Variants in PCDH7 observed in about 807,000 individuals in gnomAD.
PCDH7 encodes protocadherin 7, also known as protocadherin-7.
In PCDH7, 17 loss-of-function variants were observed where a neutral mutation model predicts 58.9. The observed-to-expected ratio is 0.29, with a 90% CI of 0.20 to 0.43. The LOEUF is 0.43. PCDH7 is among the 20% of genes least tolerant of loss of function. PCDH7 has a pLI of 1.00. For synonymous variants in PCDH7, 664 were observed against 616.4 expected (o/e 1.08, Z -1.14); for missense variants, 1,274 against 1,441.0 (o/e 0.88, Z 1.88).
chr4:30,836,604 T>G (rs1730517732), intron 1 of PCDH7, among the ~76,000 whole-genome samples: 4 of 152,168 alleles, frequency 2.6e-5, no homozygotes, highest in Admixed American at 2.6e-4. Flanking sequence ...TTATGAAAAT[T>G]TAAATTTCTC....
intron 3 of PCDH7, among the ~76,000 whole-genome samples, chr4:30,958,462 G>T (rs73815115): frequency 0.015 from 2,332 of 151,866 alleles, 52 homozygotes; most frequent in African/African-American, 0.052. Context: ...ATATTTAAAT[G>T]ATAATTAATA....
At chr4:30,987,688 A>G (rs1267462500) in intron 3 of PCDH7, 2 of 152,232 alleles carry the variant, frequency 1.3e-5, no homozygotes, top group Middle Eastern at 3.4e-3. Context: ...AGGGGCCTAT[A>G]TAGAATTAAA....
chr4:31,005,543 G>T (rs1002629805), intron 3 of PCDH7, among the ~76,000 whole-genome samples: 1 of 152,206 alleles, frequency 6.6e-6, no homozygotes, highest in African/African-American at 2.4e-5. Flanking sequence ...ATTTGCCAAT[G>T]TGTTCCCTCT....
intron 3 of PCDH7, among the ~76,000 whole-genome samples, chr4:31,017,885 C>T (rs1753741495): frequency 6.6e-6 from 1 of 152,184 alleles, no homozygotes; most frequent in Non-Finnish European, 1.5e-5. Flanking sequence ...TAATACAGGA[C>T]TTCTTTTTTT....
intron 3 of PCDH7, among the ~76,000 whole-genome samples, chr4:31,138,060 C>T (rs1344856082): frequency 6.6e-6 from 1 of 152,052 alleles, no homozygotes; most frequent in Non-Finnish European, 1.5e-5. Flanking sequence ...ATAATTTTGT[C>T]TCTAATGGGT....
chr4:30,963,249 T>C (rs1215671727), intron 3 of PCDH7, among the ~76,000 whole-genome samples: 1 of 152,190 alleles, frequency 6.6e-6, no homozygotes, highest in Non-Finnish European at 1.5e-5. Context: ...TGACTAAGCA[T>C]ATGTTTTGAG....
intron 1 of PCDH7, among the ~76,000 whole-genome samples, chr4:30,830,619 G>T (rs1729654767): frequency 6.6e-6 from 1 of 151,768 alleles, no homozygotes; most frequent in African/African-American, 2.4e-5. Context: ...TTCCTGCTCT[G>T]CAGTGCTAAC....
In PCDH7 at chr4:31,127,946, CAAAAT is replaced by C. The variant is rs1718494045; in HGVS notation, c.*8-14524_*8-14520del. ...GCTTTCAAGCTTTTTCAGTGTGACT[CAAAAT>C]AAGAAATTCATTTTTCACAGTGATC... is the stretch of plus-strand genomic sequence containing the variant. On this transcript the variant is annotated intron_variant, in intron 3 of 3. Coordinates refer to the PCDH7 transcript ENST00000509759. Among the ~76,000 whole-genome samples, 7 of 151,550 alleles carry C rather than the reference CAAAAT, an allele frequency of 4.6e-5. No homozygotes were observed. The South Asian group carries it at 1.0e-3, about 23-fold the overall frequency.
chr4:30,803,487 G>A (rs1725796327), intron 1 of PCDH7, among the ~76,000 whole-genome samples: 1 of 151,968 alleles, frequency 6.6e-6, no homozygotes, highest in Non-Finnish European at 1.5e-5. Flanking sequence ...ACCTAAGCAG[G>A]GGTGCAGTGG....
At chr4:30,850,033 C>T (rs1732514725) in intron 1 of PCDH7, among the ~76,000 whole-genome samples, 1 of 152,080 alleles carries the variant, frequency 6.6e-6, no homozygotes, top group Non-Finnish European at 1.5e-5. Context: ...CTAACCTTTT[C>T]TTCTAGATCC....
intron 2 of PCDH7, among the ~76,000 whole-genome samples, chr4:30,945,932 T>C (rs1260953322): frequency 6.6e-6 from 1 of 152,098 alleles, no homozygotes; most frequent in Non-Finnish European, 1.5e-5. Context: ...TTATGGACAT[T>C]ATGATTATTA....
intron 1 of PCDH7, among the ~76,000 whole-genome samples, chr4:30,742,168 G>T (rs1388951966): frequency 1.3e-5 from 2 of 152,004 alleles, no homozygotes; most frequent in Admixed American, 1.3e-4. Context: ...TATTAATTTT[G>T]ATTTTTGATT....
At chr4:31,098,970 C>G (rs55839745) in intron 3 of PCDH7, among the ~76,000 whole-genome samples, 2,167 of 152,222 alleles carry the variant, frequency 0.014, 31 homozygotes, top group Non-Finnish European at 0.023. Context: ...GCACACTCCT[C>G]TCTCATAAAG....
intron 1 of PCDH7, among the ~76,000 whole-genome samples, chr4:30,771,235 C>G (rs1180989987): frequency 6.6e-6 from 1 of 152,114 alleles, no homozygotes; most frequent in Non-Finnish European, 1.5e-5. Flanking sequence ...ATAAAAATGA[C>G]CATATTTGAA....
At chr4:31,142,566 G>T (rs748541600) in exon 4 of PCDH7, 1 of 1,367,558 alleles carries the variant, frequency 7.3e-7, no homozygotes, top group Non-Finnish European at 9.8e-7. Context: ...ATGCCGGTCC[G>T]CACTTCTCCG....
At chr4:30,984,310 A>G (rs1434974122) in intron 3 of PCDH7, among the ~76,000 whole-genome samples, 1 of 152,174 alleles carries the variant, frequency 6.6e-6, no homozygotes, top group Non-Finnish European at 1.5e-5. Context: ...TTCATTTCTC[A>G]TCCTTAAATA....
chr4:30,812,489 CAAAT>C (rs1175452116), intron 1 of PCDH7, among the ~76,000 whole-genome samples: 2 of 152,082 alleles, frequency 1.3e-5, no homozygotes, highest in African/African-American at 4.8e-5. Context: ...TAGTCATAAA[CAAAT>C]AAACTTTCTT....
chr4:30,931,493 T>G (rs1437996469), intron 2 of PCDH7, among the ~76,000 whole-genome samples: 1 of 152,074 alleles, frequency 6.6e-6, no homozygotes, highest in Non-Finnish European at 1.5e-5. Flanking sequence ...GAGAATCGCT[T>G]GAACCCGGGA....
At chr4:30,725,441 T>C in intron 1 of PCDH7, 1 of 241,948 alleles carries the variant, frequency 4.1e-6, no homozygotes, top group Non-Finnish European at 6.7e-6. Context: ...GTGGAATATT[T>C]GACATAATAG....
Sources: gnomAD v4.1 joint callset for allele counts (sites outside exome capture counted in the v4.1 genomes callset) on GRCh38, gnomAD v4.1.1 for gene constraint, MANE v1.5 for transcripts, NCBI Gene and HGNC (gene_info 2026-07-23, HGNC 2026-07-21) for gene names.